HTR4: variants seen among roughly 807,000 people sequenced by gnomAD.
HTR4 encodes 5-hydroxytryptamine (serotonin) receptor 4, G protein-coupled.
HTR4 carries 16 observed loss-of-function variants against 36.8 expected under a neutral mutation model. That is an observed-to-expected ratio of 0.43 (90% CI 0.29 to 0.66). The LOEUF is 0.66. HTR4 is among the 30% of genes least tolerant of loss of function. HTR4 has a pLI of 0.13. For synonymous variants in HTR4, 189 were observed against 185.1 expected (o/e 1.02, Z -0.17); for missense variants, 438 against 490.9 (o/e 0.89, Z 1.02).
chr5:148,645,397 C>T (rs1057418282), intron 1 of HTR4: 6 of 152,160 alleles, frequency 3.9e-5, no homozygotes, highest in Non-Finnish European at 5.9e-5. Context: ...ATGTAATTTA[C>T]ACTTGTCACA....
intron 5 of HTR4, among the ~76,000 whole-genome samples, chr5:148,463,599 CCATGCTCAT>C (rs1408254933): frequency 6.6e-6 from 1 of 151,978 alleles, no homozygotes; most frequent in East Asian, 1.9e-4. Flanking sequence ...GAGATATATT[CCATGCTCAT>C]GGATAGAAAG....
chr5:148,528,246 G>A (rs1433153429), intron 4 of HTR4, among the ~76,000 whole-genome samples: 1 of 152,138 alleles, frequency 6.6e-6, no homozygotes, highest in Non-Finnish European at 1.5e-5. Flanking sequence ...TGTTTTACTT[G>A]CATTTTGACC....
At chr5:148,455,596 T>G (rs1755082310) in intron 5 of HTR4, among the ~76,000 whole-genome samples, 1 of 152,120 alleles carries the variant, frequency 6.6e-6, no homozygotes, top group African/African-American at 2.4e-5. Flanking sequence ...TCTGTGGATA[T>G]GAGAGTAAGC....
In HTR4 at chr5:148,557,761, T is replaced by C. The variant is rs1333696312; in HGVS notation, c.27-7499A>G. Among the ~76,000 whole-genome samples, 3 of 148,190 alleles carry C rather than the reference T, an allele frequency of 2.0e-5. No individual in the cohort carries two copies. The East Asian group carries it at 5.8e-4, about 29-fold the overall frequency. ...AGTGAATATATGTATGTATAATACA[T>C]ATATATAATATATTATATAATATAT... On this transcript the variant is annotated intron_variant, in intron 2 of 6. Coordinates refer to ENST00000377888, the MANE Select transcript of HTR4 (RefSeq NM_000870.7).
intron 6 of HTR4, among the ~76,000 whole-genome samples, chr5:148,507,530 ATAAAT>A (rs1478056945): frequency 6.6e-6 from 1 of 152,046 alleles, no homozygotes; most frequent in African/African-American, 2.4e-5. Context: ...TAATAAAAAA[ATAAAT>A]AAAATAAAAT....
At chr5:148,534,061 A>C (rs2113818498) in intron 4 of HTR4, among the ~76,000 whole-genome samples, 1 of 152,314 alleles carries the variant, frequency 6.6e-6, no homozygotes, top group African/African-American at 2.4e-5. Context: ...TGTGCAATGG[A>C]GGTGGTTACA....
At chr5:148,520,403 A>G (rs1324955408) in intron 5 of HTR4, among the ~76,000 whole-genome samples, 2 of 152,198 alleles carry the variant, frequency 1.3e-5, no homozygotes, top group African/African-American at 4.8e-5. Flanking sequence ...AATTCTACTC[A>G]GGAGGTAGAA....
At chr5:148,461,434 G>A (rs369646130) in intron 5 of HTR4, among the ~76,000 whole-genome samples, 1 of 151,690 alleles carries the variant, frequency 6.6e-6, no homozygotes, top group Non-Finnish European at 1.5e-5. Flanking sequence ...TATATACCAA[G>A]GTAATATTAA....
At chr5:148,473,049 T>C (rs7736804), downstream of HTR4, among the ~76,000 whole-genome samples, 58,003 of 151,974 alleles carry the variant, frequency 0.38, 12,125 homozygotes, top group East Asian at 0.7. Flanking sequence ...CCTGTTATCC[T>C]AGCACTTTGG....
At chr5:148,506,360 T>TA (rs1757212466) in intron 6 of HTR4, among the ~76,000 whole-genome samples, 1 of 152,094 alleles carries the variant, frequency 6.6e-6, no homozygotes, top group African/African-American at 2.4e-5. Context: ...TTACACCTTA[T>TA]AAAAAATTAA....
chr5:148,490,878 TA>T, intron 6 of HTR4: 1 of 468,568 alleles, frequency 2.1e-6, no homozygotes. Context: ...AATTATGACC[TA>T]AAACCTCTTT....
At chr5:148,510,147 G>A in intron 5 of HTR4, 123 bp from the exon 6 acceptor site, 11 of 612,482 alleles carry the variant, frequency 1.8e-5, no homozygotes, top group Admixed American at 3.1e-5. Context: ...AGAAAGTGGA[G>A]GATTGGAAGA....
intron 5 of HTR4, among the ~76,000 whole-genome samples, chr5:148,458,131 TA>T (rs1374676596): frequency 7.1e-6 from 1 of 141,018 alleles, no homozygotes; most frequent in Non-Finnish European, 1.5e-5. Context: ...AAATATAATA[TA>T]TTTTAATATC....
At chr5:148,556,523 T>C (rs1377977713) in intron 2 of HTR4, among the ~76,000 whole-genome samples, 1 of 152,168 alleles carries the variant, frequency 6.6e-6, no homozygotes, top group East Asian at 1.9e-4. Flanking sequence ...GATTCAATAG[T>C]AAAGAAAATG....
intron 1 of HTR4, among the ~76,000 whole-genome samples, chr5:148,647,074 G>A (rs1032895716): frequency 6.6e-6 from 1 of 152,144 alleles, no homozygotes; most frequent in Non-Finnish European, 1.5e-5. Context: ...ATGTGACTTT[G>A]AGCTCCTCCC....
chr5:148,537,147 G>A (rs909155071), intron 4 of HTR4, among the ~76,000 whole-genome samples: 1 of 152,104 alleles, frequency 6.6e-6, no homozygotes. Flanking sequence ...GTGTGGGTAA[G>A]TAATAAGATT....
chr5:148,451,095 T>A, exon 6 of HTR4: 2 of 1,589,068 alleles, frequency 1.3e-6, no homozygotes, highest in Non-Finnish European at 1.7e-6. Flanking sequence ...GCCTCACTGG[T>A]GGTGATGAGG....
chr5:148,609,173 C>T (rs546027239), intron 2 of HTR4, among the ~76,000 whole-genome samples: 2 of 152,328 alleles, frequency 1.3e-5, no homozygotes, highest in African/African-American at 4.8e-5. Flanking sequence ...GAAAGCACTA[C>T]TTATAATGGC....
intron 2 of HTR4, among the ~76,000 whole-genome samples, chr5:148,599,550 A>T (rs1360025675): frequency 6.6e-6 from 1 of 152,128 alleles, no homozygotes; most frequent in African/African-American, 2.4e-5. Flanking sequence ...ATCCTTCAAA[A>T]GTGAAAAAAA....
Sources: gnomAD v4.1 joint callset for allele counts (sites outside exome capture counted in the v4.1 genomes callset) on GRCh38, gnomAD v4.1.1 for gene constraint, MANE v1.5 for transcripts, NCBI Gene and HGNC (gene_info 2026-07-23, HGNC 2026-07-21) for gene names.